Variants in FAM135B observed in about 807,000 individuals in gnomAD.
The protein encoded by FAM135B is protein FAM135B.
Under a neutral mutation model 127.7 loss-of-function variants are expected in FAM135B, and 43 were observed. The observed-to-expected ratio is 0.34, with a 90% confidence interval of 0.26 to 0.43. The LOEUF (loss-of-function observed/expected upper bound fraction) is 0.43. FAM135B is among the 20% of genes least tolerant of loss of function. FAM135B has a pLI of 1.00. For synonymous variants in FAM135B, 670 were observed against 665.1 expected, an observed-to-expected ratio of 1.01 and a Z score of -0.11; for missense variants, 1,558 against 1,725.6, an observed-to-expected ratio of 0.90 and a Z score of 1.72.
In FAM135B at chr8:138,482,285, C is replaced by T. The variant is rs369508100; in HGVS notation, c.-20+14386G>A. 6.1e-4 allele frequency among the ~76,000 whole-genome samples: 92 copies of T among 151,870 alleles called. 1 individual carries two copies. The highest frequency in any genetic ancestry group is 2.1e-3 in the African/African-American group (88 of 41,406). ...TAGGGAAGAGGGAAATAGGGAAGAG[C>T]GTGTTGAAGTACGTGGCCACGAGGG... On this transcript the variant is annotated intron_variant, in intron 1 of 19. Coordinates refer to ENST00000395297, the MANE Select transcript of FAM135B (RefSeq NM_015912.4).
intron 7 of FAM135B, among the ~76,000 whole-genome samples, chr8:138,221,307 G>A (rs950415537): frequency 1.3e-5 from 2 of 152,092 alleles, no homozygotes; most frequent in African/African-American, 4.8e-5. Flanking sequence ...AGAGAGCAGG[G>A]AAGTGTCACA....
chr8:138,133,848 C>G (rs6984605), intron 19 of FAM135B, among the ~76,000 whole-genome samples: 20,619 of 152,014 alleles, frequency 0.14, 1,697 homozygotes, highest in East Asian at 0.23. Flanking sequence ...CCCCCCATCA[C>G]GCATGGGGTA....
intron 12 of FAM135B, among the ~76,000 whole-genome samples, chr8:138,164,383 G>T (rs563868408): frequency 6.6e-6 from 1 of 152,106 alleles, no homozygotes; most frequent in East Asian, 1.9e-4. Context: ...GCACTGTGCC[G>T]GAGTCCCAGC....
intron 1 of FAM135B, among the ~76,000 whole-genome samples, chr8:138,375,210 G>C (rs7816063): frequency 0.015 from 2,248 of 151,886 alleles, 46 homozygotes; most frequent in African/African-American, 0.052. Flanking sequence ...TTGTGTGGCC[G>C]AAAGAGGACA....
intron 1 of FAM135B, among the ~76,000 whole-genome samples, chr8:138,451,763 C>T (rs1386381972): frequency 6.6e-6 from 1 of 152,146 alleles, no homozygotes; most frequent in Admixed American, 6.5e-5. Flanking sequence ...CACTCCACAC[C>T]CAGGGTCCCC....
intron 8 of FAM135B, among the ~76,000 whole-genome samples, chr8:138,196,846 G>T (rs891176187): frequency 2.6e-5 from 4 of 152,206 alleles, no homozygotes; most frequent in African/African-American, 9.6e-5. Flanking sequence ...GGATCCCTGA[G>T]CTGTCATGGT....
At chr8:138,165,352 T>G (rs1819811518) in intron 12 of FAM135B, among the ~76,000 whole-genome samples, 1 of 151,996 alleles carries the variant, frequency 6.6e-6, no homozygotes, top group South Asian at 2.1e-4. Context: ...ACTCCCGACC[T>G]CAGGTGATCC....
Position 138,429,047 on chromosome 8 carries a change from G to A in FAM135B, c.-19-61045C>T, listed in dbSNP as rs116636627. On this transcript the variant is annotated intron_variant, in intron 1 of 19. Coordinates refer to ENST00000395297, the MANE Select transcript of FAM135B (RefSeq NM_015912.4). The stretch of plus-strand genomic sequence containing the variant: ...TGGGGGAGAAGGGGAGTGCTCACAT[G>A]CATCACACTGAAATGCAATTTCCAA... Among the ~76,000 whole-genome samples the A allele has an allele frequency of 5.1e-3, 774 of 152,256 alleles. 5 individuals carry two copies. Among genetic ancestry groups the A allele is most frequent in the African/African-American group, 0.017 (704 of 41,542 alleles).
intron 1 of FAM135B, among the ~76,000 whole-genome samples, chr8:138,465,092 CG>C (rs1434040262): frequency 6.6e-6 from 1 of 152,012 alleles, no homozygotes; most frequent in African/African-American, 2.4e-5. Context: ...AAGCCAAAAG[CG>C]GGAAGAGAAA....
chr8:138,291,738 C>T (rs968776093), intron 3 of FAM135B, among the ~76,000 whole-genome samples: 1 of 152,082 alleles, frequency 6.6e-6, no homozygotes, highest in Non-Finnish European at 1.5e-5. Flanking sequence ...AATTCAACAT[C>T]CTTTCATGAT....
At chr8:138,449,257 C>A (rs1419945304) in intron 1 of FAM135B, among the ~76,000 whole-genome samples, 2 of 152,248 alleles carry the variant, frequency 1.3e-5, no homozygotes, top group Non-Finnish European at 2.9e-5. Flanking sequence ...CAAGCACAGG[C>A]TGCTAAGAGA....
At chr8:138,154,010 G>A (rs1032890374) in intron 12 of FAM135B, among the ~76,000 whole-genome samples, 5 of 152,190 alleles carry the variant, frequency 3.3e-5, no homozygotes, top group African/African-American at 4.8e-5. Flanking sequence ...CCTGACCCCC[G>A]AGTAGCCTAA....
intron 7 of FAM135B, among the ~76,000 whole-genome samples, chr8:138,230,303 C>A (rs894424275): frequency 1.3e-5 from 2 of 152,172 alleles, no homozygotes; most frequent in African/African-American, 2.4e-5. Context: ...ACTGAAACTG[C>A]AGAATCCCTG....
intron 2 of FAM135B, among the ~76,000 whole-genome samples, chr8:138,365,902 C>G (rs1830701192): frequency 6.6e-6 from 1 of 152,100 alleles, no homozygotes; most frequent in East Asian, 1.9e-4. Context: ...ACAGAAACAG[C>G]AAGGTCCTCC....
intron 13 of FAM135B, among the ~76,000 whole-genome samples, chr8:138,150,581 T>A (rs925533194): frequency 6.6e-6 from 1 of 152,056 alleles, no homozygotes; most frequent in Non-Finnish European, 1.5e-5. Context: ...GGCAGGAGAA[T>A]CACTTGAACC....
chr8:138,139,506 C>G (rs1217126032), intron 17 of FAM135B, among the ~76,000 whole-genome samples: 1 of 152,234 alleles, frequency 6.6e-6, no homozygotes, highest in Non-Finnish European at 1.5e-5. Context: ...GGCATGGTGG[C>G]TCATGCCTGT....
At chr8:138,431,956 A>T (rs1835211087) in intron 1 of FAM135B, among the ~76,000 whole-genome samples, 1 of 152,176 alleles carries the variant, frequency 6.6e-6, no homozygotes, top group African/African-American at 2.4e-5. Context: ...GCACCCAAAG[A>T]TAACCAACAA....
intron 1 of FAM135B, among the ~76,000 whole-genome samples, chr8:138,380,054 A>G (rs1465707697): frequency 6.6e-6 from 1 of 152,214 alleles, no homozygotes; most frequent in East Asian, 1.9e-4. Flanking sequence ...GCAGAACGGC[A>G]GTGCACCGCA....
At chr8:138,475,785 CAA>C (rs764206476) in intron 1 of FAM135B, among the ~76,000 whole-genome samples, 9 of 152,172 alleles carry the variant, frequency 5.9e-5, no homozygotes, top group Non-Finnish European at 1.3e-4. Flanking sequence ...GGTGGAAATG[CAA>C]AGTGGTACAT....
Sources: gnomAD v4.1 joint callset for allele counts (sites outside exome capture counted in the v4.1 genomes callset) on GRCh38, gnomAD v4.1.1 for gene constraint, MANE v1.5 for transcripts, NCBI Gene and HGNC (gene_info 2026-07-23, HGNC 2026-07-21) for gene names.